Variants in NAV2 observed in about 807,000 individuals in gnomAD.
NAV2 encodes neuron navigator 2.
NAV2 carries 54 observed loss-of-function variants against 223.2 expected under a neutral mutation model. The ratio of observed to expected loss-of-function variants is 0.24; its 90% CI spans 0.19 to 0.30. NAV2 has a LOEUF of 0.30. Ranked by LOEUF, NAV2 falls within the 10% of genes least tolerant of loss-of-function variation. The pLI, the probability that NAV2 is intolerant of heterozygous loss-of-function variation, is 1.00. For synonymous variants in NAV2, 1,279 were observed against 1,239.3 expected (o/e 1.03, Z -0.67); for missense variants, 2,806 against 3,147.5 (o/e 0.89, Z 2.60).
intron 10 of NAV2, among the ~76,000 whole-genome samples, chr11:19,950,048 A>C (rs950698970): frequency 6.6e-6 from 1 of 152,184 alleles, no homozygotes; most frequent in African/African-American, 2.4e-5. Flanking sequence ...CACCCTGCAG[A>C]CTTAAGGTGC....
At chr11:19,972,653 GCAGACACCTT>G (rs887029396) in intron 10 of NAV2, among the ~76,000 whole-genome samples, 1 of 152,130 alleles carries the variant, frequency 6.6e-6, no homozygotes, top group Admixed American at 6.5e-5. Context: ...ATATTGCCTG[GCAGACACCTT>G]CAAGATGCTA....
At chr11:19,641,007 A>G (rs766437207) in intron 1 of NAV2, among the ~76,000 whole-genome samples, 2 of 152,162 alleles carry the variant, frequency 1.3e-5, no homozygotes, top group Admixed American at 6.5e-5. Flanking sequence ...GAGGAACACA[A>G]CCAGGATCAG....
chr11:19,969,098 A>G (rs940402016), intron 10 of NAV2, among the ~76,000 whole-genome samples: 1 of 152,226 alleles, frequency 6.6e-6, no homozygotes, highest in Non-Finnish European at 1.5e-5. Flanking sequence ...CACCTGTGGT[A>G]CTGTCCTGAC....
chr11:19,722,207 AC>A (rs1223454104), intron 1 of NAV2, among the ~76,000 whole-genome samples: 1 of 152,218 alleles, frequency 6.6e-6, no homozygotes, highest in East Asian at 1.9e-4. Context: ...ATGGTTGCTG[AC>A]ATTTTCTGGA....
intron 1 of NAV2, among the ~76,000 whole-genome samples, chr11:19,774,510 A>G (rs571060963): frequency 1.3e-3 from 196 of 152,270 alleles, no homozygotes; most frequent in Non-Finnish European, 2.3e-3. Flanking sequence ...TGTACACTAT[A>G]CAGGCCTCTT....
chr11:20,036,188 C>T (rs1364300471), intron 12 of NAV2, 91 bp downstream of exon 12: 2 of 1,445,232 alleles, frequency 1.4e-6, no homozygotes, highest in Non-Finnish European at 9.6e-7. Flanking sequence ...TTTGGGGCAA[C>T]CAGAATCTCC....
intron 27 of NAV2, 31 bp downstream of exon 27, chr11:20,091,049 A>G: frequency 6.2e-7 from 1 of 1,606,890 alleles, no homozygotes; most frequent in South Asian, 1.1e-5. Context: ...GCTGAGCTCA[A>G]GGCTGTCTAT....
chr11:19,937,357 C>CT lies in NAV2; in HGVS notation c.2034-2304_2034-2303insT, dbSNP rs200692469. 3.2e-3 allele frequency among the ~76,000 whole-genome samples: 483 copies of CT among 151,358 alleles called. 13 individuals carry two copies. The South Asian group carries it at 0.07, about 22-fold the overall frequency. ...ATATATAACTTATAATTGCTCCCCC[C>CT]CCGCCCACCAAAACCTCTCCATGTT... On this transcript the variant is annotated intron_variant, in intron 7 of 37. Coordinates refer to ENST00000349880, the MANE Select transcript of NAV2 (RefSeq NM_145117.5).
At chr11:19,412,839 C>T (rs536190494) in intron 1 of NAV2, among the ~76,000 whole-genome samples, 10 of 152,258 alleles carry the variant, frequency 6.6e-5, no homozygotes, top group African/African-American at 2.4e-4. Context: ...GGGGCCTGAC[C>T]GTTAGAAGGC....
intron 3 of NAV2, among the ~76,000 whole-genome samples, chr11:19,865,343 G>A (rs999332430): frequency 6.6e-6 from 1 of 152,192 alleles, no homozygotes; most frequent in Admixed American, 6.5e-5. Flanking sequence ...AGTACATGAA[G>A]ATGGATTGTG....
At chr11:19,772,537 G>A (rs1279814759) in intron 1 of NAV2, among the ~76,000 whole-genome samples, 3 of 152,220 alleles carry the variant, frequency 2.0e-5, no homozygotes, top group African/African-American at 7.2e-5. Flanking sequence ...TTTTCATGCG[G>A]CAGGCAATGT....
intron 1 of NAV2, among the ~76,000 whole-genome samples, chr11:19,791,302 G>T (rs1011082746): frequency 1.3e-5 from 2 of 152,144 alleles, no homozygotes; most frequent in African/African-American, 4.8e-5. Flanking sequence ...AGAGGGCAAG[G>T]CGTTGGAACC....
At chr11:19,521,100 G>A (rs948662472) in intron 1 of NAV2, among the ~76,000 whole-genome samples, 1 of 152,220 alleles carries the variant, frequency 6.6e-6, no homozygotes, top group Admixed American at 6.5e-5. Flanking sequence ...GCGGGGCGTG[G>A]TGATGGGCCT....
At chr11:19,626,328 A>G (rs1468917929) in intron 1 of NAV2, among the ~76,000 whole-genome samples, 1 of 152,220 alleles carries the variant, frequency 6.6e-6, no homozygotes, top group Non-Finnish European at 1.5e-5. Context: ...GTCAAAAATC[A>G]GTTGGCTGTA....
intron 1 of NAV2, among the ~76,000 whole-genome samples, chr11:19,740,999 G>A (rs1479091738): frequency 6.6e-6 from 1 of 152,174 alleles, no homozygotes; most frequent in African/African-American, 2.4e-5. Context: ...CAGTAGAAGG[G>A]ATGTGAGATT....
At chr11:19,496,953 G>A (rs143677317) in intron 1 of NAV2, among the ~76,000 whole-genome samples, 5 of 152,250 alleles carry the variant, frequency 3.3e-5, no homozygotes, top group Middle Eastern at 3.4e-3. Flanking sequence ...GGTTACCCTG[G>A]ACTTTTACCA....
intron 1 of NAV2, among the ~76,000 whole-genome samples, chr11:19,604,664 C>G (rs755326103): frequency 5.9e-5 from 9 of 152,180 alleles, no homozygotes; most frequent in Non-Finnish European, 1.0e-4. Context: ...TTTTATCCCT[C>G]TATTTTACAG....
rs2060974000 is a variant in NAV2, at chr11:20,093,046, G to A, written c.5816-53G>A. ...CAACCTGCAGCGGGGGTGTCAGGAA[G>A]CTGGCTTTGCTGTCCCCATGTGCCT... On this transcript the variant is annotated intron_variant, in intron 28 of 37. Coordinates refer to ENST00000349880, the MANE Select transcript of NAV2 (RefSeq NM_145117.5). 2.2e-5 allele frequency: 28 copies of A among 1,275,374 alleles called. 1 individual carries two copies. The Admixed American group carries it at 3.4e-4, about 15-fold the overall frequency. 79.0% of individuals were successfully genotyped at this position (1,275,374 alleles called of 1,614,324 possible). A position where few individuals can be genotyped will look rare whatever the true frequency, so the allele number is the denominator to read the frequency against.
At chr11:19,676,387 A>G (rs2048712289) in intron 1 of NAV2, among the ~76,000 whole-genome samples, 1 of 152,150 alleles carries the variant, frequency 6.6e-6, no homozygotes, top group African/African-American at 2.4e-5. Flanking sequence ...TAATACTACC[A>G]ATCCTAGTGA....
Sources: allele counts gnomAD v4.1 joint callset (sites outside exome capture counted in the v4.1 genomes callset), GRCh38; gene constraint gnomAD v4.1.1; transcripts MANE v1.5; gene names NCBI Gene and HGNC (gene_info 2026-07-23, HGNC 2026-07-21).